Variants in ZNF804B observed in about 807,000 individuals in gnomAD.
ZNF804B encodes the protein zinc finger protein 804B, also known as zinc finger 804B.
ZNF804B carries 80 observed loss-of-function variants against 101.4 expected under a neutral mutation model. That is an observed-to-expected ratio of 0.79 (90% CI 0.66 to 0.95). The LOEUF is 0.95. ZNF804B is among the 40% of genes least tolerant of loss of function. The pLI is 0.00. For synonymous variants in ZNF804B, 622 were observed against 558.8 expected, an observed-to-expected ratio of 1.11 and a Z score of -1.59; for missense variants, 1,673 against 1,561.9, an observed-to-expected ratio of 1.07 and a Z score of -1.20.
chr7:88,759,867 C>T lies in ZNF804B; in HGVS notation c.-110C>T. 4 of 842,284 alleles carry T rather than the reference C, an allele frequency of 4.7e-6. No individual in the cohort carries two copies. The highest frequency in any genetic ancestry group is 2.1e-5 in the Admixed American group (1 of 48,688). The allele number at this position is 842,284 out of a possible 1,614,324, so 52.2% of individuals were successfully genotyped here. On this transcript the variant is annotated 5_prime_UTR_variant, in exon 1 of 4. Coordinates refer to ENST00000333190, the MANE Select transcript of ZNF804B (RefSeq NM_181646.5). ...CCGCCTCCCCCTGCGTCCTGCTGGC[C>T]GCGTCTTCTCGGGAGGTGGTAGTCG...
intron 1 of ZNF804B, among the ~76,000 whole-genome samples, chr7:88,788,396 A>G (rs1446458730): frequency 6.6e-6 from 1 of 151,698 alleles, no homozygotes; most frequent in East Asian, 1.9e-4. Flanking sequence ...GAGCCTTTAC[A>G]CTTGTTGTTC....
At chr7:88,829,029 G>T (rs1406575744) in intron 1 of ZNF804B, among the ~76,000 whole-genome samples, 1 of 152,102 alleles carries the variant, frequency 6.6e-6, no homozygotes, top group African/African-American at 2.4e-5. Context: ...TAATTACTTT[G>T]TTGGGGCTTA....
chr7:89,285,984 A>T (rs148093929), intron 2 of ZNF804B, among the ~76,000 whole-genome samples: 9 of 152,244 alleles, frequency 5.9e-5, no homozygotes, highest in African/African-American at 2.2e-4. Context: ...TGATGATCCA[A>T]TTCCACTTAA....
chr7:88,976,045 G>T (rs941122772), intron 1 of ZNF804B, among the ~76,000 whole-genome samples: 5 of 151,586 alleles, frequency 3.3e-5, no homozygotes, highest in Admixed American at 6.6e-5. Flanking sequence ...TCCAGTGTAT[G>T]TTCTTGGTAC....
intron 1 of ZNF804B, among the ~76,000 whole-genome samples, chr7:88,831,911 T>C (rs935670970): frequency 1.2e-4 from 19 of 152,086 alleles, no homozygotes; most frequent in Non-Finnish European, 2.1e-4. Flanking sequence ...GCTCTTTTTG[T>C]TCTATAGATG....
At chr7:89,056,257 T>C (rs1008680215) in intron 1 of ZNF804B, among the ~76,000 whole-genome samples, 1 of 152,020 alleles carries the variant, frequency 6.6e-6, no homozygotes, top group Non-Finnish European at 1.5e-5. Flanking sequence ...ATAGGATAAA[T>C]GTAGAGGTGG....
chr7:89,163,149 A>G, intron 1 of ZNF804B, among the ~76,000 whole-genome samples: 1 of 152,112 alleles, frequency 6.6e-6, no homozygotes, highest in East Asian at 1.9e-4. Context: ...GTATTGAGTA[A>G]ACACATGGGA....
intron 1 of ZNF804B, among the ~76,000 whole-genome samples, chr7:88,951,909 TC>T (rs1382467525): frequency 6.6e-6 from 1 of 151,900 alleles, no homozygotes; most frequent in Non-Finnish European, 1.5e-5. Flanking sequence ...AAAATTGATT[TC>T]ATATCCAAGG....
intron 3 of ZNF804B, among the ~76,000 whole-genome samples, chr7:89,332,282 T>G (rs1004706306): frequency 6.6e-6 from 1 of 151,730 alleles, no homozygotes; most frequent in East Asian, 1.9e-4. Flanking sequence ...CAACAAGAAT[T>G]TGTTAGACAA....
intron 1 of ZNF804B, among the ~76,000 whole-genome samples, chr7:88,874,639 C>T (rs1410121783): frequency 1.1e-4 from 17 of 152,070 alleles, no homozygotes; most frequent in East Asian, 1.9e-4. Flanking sequence ...TTTTGAGATA[C>T]GTCCCATCAA....
At chr7:88,875,856 A>C (rs563139836) in intron 1 of ZNF804B, among the ~76,000 whole-genome samples, 1 of 152,214 alleles carries the variant, frequency 6.6e-6, no homozygotes, top group East Asian at 1.9e-4. Flanking sequence ...AGACACAACC[A>C]AAAAAGAGAA....
intron 1 of ZNF804B, among the ~76,000 whole-genome samples, chr7:89,025,887 T>A (rs1254664248): frequency 6.6e-6 from 1 of 152,160 alleles, no homozygotes; most frequent in Non-Finnish European, 1.5e-5. Context: ...AAGCTAATTA[T>A]ATTATTCACT....
rs749554359 is a variant in ZNF804B, at chr7:89,335,326, G to A, written c.2344G>A (p.Glu782Lys). The A allele has an allele frequency of 2.5e-6, 4 of 1,613,614 alleles. No individual in the cohort carries two copies. The highest frequency in any genetic ancestry group is 3.3e-5 in the Admixed American group (2 of 59,870). Residue 782 changes from glutamate to lysine, a missense_variant, in exon 4 of 4, where the codon GAG (glutamate) becomes AAG (lysine). Glu to Lys is a moderately conservative substitution (Grantham distance 56). Transcript: ENST00000333190. ...CCAAATGCAGTCTGAACCACAGAAA[G>A]AGAGGAACTGCAAATTGTGGGAATC... is the stretch of plus-strand genomic sequence containing the variant. The part of the protein sequence containing the change: ...SSQMQSEPQK[E>K]RNCKLWESFK...
intron 1 of ZNF804B, among the ~76,000 whole-genome samples, chr7:89,032,363 A>G (rs1788851489): frequency 6.6e-6 from 1 of 152,070 alleles, no homozygotes; most frequent in Admixed American, 6.6e-5. Flanking sequence ...AGACTCAATA[A>G]ATATTTAAAT....
At chr7:88,987,175 C>T (rs932942086) in intron 1 of ZNF804B, among the ~76,000 whole-genome samples, 8 of 152,100 alleles carry the variant, frequency 5.3e-5, no homozygotes, top group Admixed American at 3.9e-4. Context: ...ATACCCTCAC[C>T]ACAACATCCA....
chr7:89,157,784 G>C (rs190446131), intron 1 of ZNF804B, among the ~76,000 whole-genome samples: 1 of 152,202 alleles, frequency 6.6e-6, no homozygotes, highest in East Asian at 1.9e-4. Context: ...AGACAGGTCA[G>C]GTGTGTGACT....
chr7:88,802,840 T>C (rs1790611936), intron 1 of ZNF804B, among the ~76,000 whole-genome samples: 1 of 152,032 alleles, frequency 6.6e-6, no homozygotes, highest in African/African-American at 2.4e-5. Flanking sequence ...GCAAACAAGA[T>C]AACCGTCTAT....
At chr7:89,098,934 G>T (rs1389956805) in intron 1 of ZNF804B, among the ~76,000 whole-genome samples, 2 of 151,326 alleles carry the variant, frequency 1.3e-5, no homozygotes, top group African/African-American at 2.4e-5. Context: ...TGAAAAGTAG[G>T]TTGTGTTGTT....
intron 1 of ZNF804B, among the ~76,000 whole-genome samples, chr7:88,861,205 G>A (rs1427027627): frequency 6.6e-6 from 1 of 152,116 alleles, no homozygotes; most frequent in Non-Finnish European, 1.5e-5. Flanking sequence ...GAGAAGTATT[G>A]TAATTTTTTA....
Sources: allele counts gnomAD v4.1 joint callset (sites outside exome capture counted in the v4.1 genomes callset), GRCh38; gene constraint gnomAD v4.1.1; transcripts MANE v1.5; gene names NCBI Gene and HGNC (gene_info 2026-07-23, HGNC 2026-07-21).